Variants in PIEZO1 observed in about 807,000 individuals in gnomAD.
The protein encoded by PIEZO1 is piezo-type mechanosensitive ion channel component 1.
In PIEZO1, 296 loss-of-function variants were observed where a neutral mutation model predicts 297.2. The observed-to-expected ratio is 1.00, with a 90% CI of 0.91 to 1.10. The LOEUF (loss-of-function observed/expected upper bound fraction) is 1.10. Among genes scored for constraint, PIEZO1 ranks in the 50% least tolerant of loss-of-function variants. The probability of loss-of-function intolerance (pLI) is 0.00; values close to 1 mark genes in which losing one functional copy is unlikely to be tolerated. For synonymous variants in PIEZO1, 2,427 were observed against 1,507.5 expected, an observed-to-expected ratio of 1.61 and a Z score of -14.13; for missense variants, 5,018 against 3,455.5, an observed-to-expected ratio of 1.45 and a Z score of -11.34.
intron 1 of PIEZO1, among the ~76,000 whole-genome samples, chr16:88,753,645 T>C (rs1377839969): frequency 6.6e-6 from 1 of 152,074 alleles, no homozygotes; most frequent in Non-Finnish European, 1.5e-5. Flanking sequence ...AGGACCCAGG[T>C]CCGGGCATCC....
In PIEZO1 at chr16:88,719,732, C is replaced by T. The variant is rs1401745821; in HGVS notation, c.6324-11G>A. On this transcript the variant is annotated splice_polypyrimidine_tract_variant and intron_variant, in intron 43 of 50. Transcript: ENST00000301015. ...GGCACCAGCCGGAACCTGCCCACAG[C>T]CAGGGTTCCCGTCAGGTGGGCTCCC... The T allele has an allele frequency of 1.9e-6, 3 of 1,550,524 alleles. No individual in the cohort carries two copies. The highest frequency in any genetic ancestry group is 2.6e-6 in the Non-Finnish European group (3 of 1,146,942).
In PIEZO1 at chr16:88,741,624, G is replaced by T; in HGVS notation, c.327-8C>A. 6.5e-7 allele frequency: 1 copy of T among 1,533,480 alleles called. No individual in the cohort carries two copies. Among genetic ancestry groups the T allele is most frequent in the Non-Finnish European group, 8.7e-7 (1 of 1,145,928 alleles). 95.0% of individuals were successfully genotyped at this position (1,533,480 alleles called of 1,614,324 possible). A position where few individuals can be genotyped will look rare whatever the true frequency, so the allele number is the denominator to read the frequency against. ...ATGTCCTTCAGGTCCAGCCTGCGGA[G>T]AGCAGGGAGCAGCCGCGGTCAGACC... On this transcript the variant is annotated splice_polypyrimidine_tract_variant and splice_region_variant and intron_variant, in intron 4 of 50. Coordinates refer to ENST00000301015, the MANE Select transcript of PIEZO1 (RefSeq NM_001142864.4).
chr16:88,768,054 G>A (rs1907253798), intron 1 of PIEZO1, among the ~76,000 whole-genome samples: 1 of 152,244 alleles, frequency 6.6e-6, no homozygotes, highest in African/African-American at 2.4e-5. Flanking sequence ...GCAGAGGTCT[G>A]CAAAGTGGGA....
Position 88,721,187 on chromosome 16 carries a change from G to C in PIEZO1, c.5647C>G (p.Arg1883Gly). The change falls in exon 39 of 51, where the codon CGG becomes GGG. Residue 1883 changes from arginine to glycine, a missense_variant. Transcript: ENST00000301015. ...FRRRKKEGPA[R>G]KGAAAIEAED... ...ATACCGATGGCTGCCGCTCCTTTCC[G>C]TGCTGGGCCCTCCTTCTTCCTTCTT... 1.3e-6 allele frequency: 2 copies of C among 1,512,338 alleles called. No homozygotes were observed. Among genetic ancestry groups the C allele is most frequent in the Non-Finnish European group, 8.8e-7 (1 of 1,130,460 alleles). The allele number at this position is 1,512,338 out of a possible 1,614,324, so 93.7% of individuals were successfully genotyped here.
Position 88,738,510 on chromosome 16 carries a change from G to C in PIEZO1, c.634+58C>G, listed in dbSNP as rs372328955. On this transcript the variant is annotated intron_variant, in intron 6 of 50. Coordinates refer to ENST00000301015, the MANE Select transcript of PIEZO1 (RefSeq NM_001142864.4). ...TGTCCCGCTGTCTCCACAGTCATCA[G>C]GGAACTCCCAAGACCCCTCCCAGTG... 5.5e-6 allele frequency: 8 copies of C among 1,445,880 alleles called. No homozygotes were observed. The African/African-American group carries it at 6.8e-5, about 12-fold the overall frequency. The allele number at this position is 1,445,880 out of a possible 1,614,324, so 89.6% of individuals were successfully genotyped here. A position where few individuals can be genotyped will look rare whatever the true frequency, so the allele number is the denominator to read the frequency against.
chr16:88,722,630 C>G lies in PIEZO1; in HGVS notation c.4728G>C (p.Thr1576=). 6.5e-6 allele frequency: 10 copies of G among 1,538,460 alleles called. No homozygotes were observed. The highest frequency in any genetic ancestry group is 8.7e-6 in the Non-Finnish European group (10 of 1,146,024). The change falls in exon 35 of 51, where the codon ACG becomes ACC. Residue 1576 remains threonine, a synonymous_variant. Transcript: ENST00000301015. ...DQLYTSQAEA[T]LPGPTEAPNA... is the part of the protein sequence containing the mutation. Reference sequence around the variant, plus strand: ...TGGGGGCCTCGGTGGGGCCTGGCAGCGTGGCCTCGGCCTGGCTTGTGTACA... The same window carrying G: ...TGGGGGCCTCGGTGGGGCCTGGCAGGGTGGCCTCGGCCTGGCTTGTGTACA...
At position 88,715,386 on chromosome 16, in the gene PIEZO1, A is replaced by C. The variant is rs1376013477; in HGVS notation, c.*219T>G. ...AAAACATTTTTTAATTAAAAAAAAA[A>C]CTCTACAGTACACGTGGGGGACGGC... On this transcript the variant is annotated 3_prime_UTR_variant, in exon 51 of 51. Transcript: ENST00000301015. 7.5e-6 allele frequency: 8 copies of C among 1,064,446 alleles called. No homozygotes were observed. Among genetic ancestry groups the C allele is most frequent in the Admixed American group, 2.7e-5 (1 of 36,726 alleles). 65.9% of individuals were successfully genotyped at this position (1,064,446 alleles called of 1,614,324 possible). A position where few individuals can be genotyped will look rare whatever the true frequency, so the allele number is the denominator to read the frequency against.
intron 29 of PIEZO1, 28 bp from the exon 30 acceptor site, chr16:88,725,108 C>G: frequency 6.7e-7 from 1 of 1,482,950 alleles, no homozygotes; most frequent in Non-Finnish European, 9.0e-7. Context: ...GAGCATGAGG[C>G]AGCAGTCAAG....
intron 7 of PIEZO1, 55 bp from the exon 8 acceptor site, chr16:88,738,160 G>T (rs901755819): frequency 2.0e-6 from 3 of 1,534,530 alleles, no homozygotes; most frequent in Non-Finnish European, 2.6e-6. Flanking sequence ...GGGGCCACAG[G>T]GGCTAGACGA....
Position 88,716,104 on chromosome 16 carries a change from T to A in PIEZO1, c.7145A>T (p.Tyr2382Phe). 1.3e-6 allele frequency: 2 copies of A among 1,546,434 alleles called. No individual in the cohort carries two copies. The highest frequency in any genetic ancestry group is 1.7e-6 in the Non-Finnish European group (2 of 1,144,316). The change falls in exon 50 of 51, where the codon TAC becomes TTC. Residue 2382 changes from tyrosine to phenylalanine, a missense_variant. Transcript: ENST00000301015. ...CCGCAGCTGGATACGCACGCCGAGGTAGTCGGCCTCCTCATCTGGGATGGA... is the reference window on the plus strand; with the variant it reads ...CCGCAGCTGGATACGCACGCCGAGGAAGTCGGCCTCCTCATCTGGGATGGA... The part of the protein sequence containing the change: ...KQLQPNEEAD[Y>F]LGVRIQLRRE...
At chr16:88,746,316 C>T (rs553600877) in intron 2 of PIEZO1, among the ~76,000 whole-genome samples, 1 of 152,154 alleles carries the variant, frequency 6.6e-6, no homozygotes, top group South Asian at 2.1e-4. Flanking sequence ...CTCCAGACAG[C>T]AGGGTCAGTC....
chr16:88,726,805 C>G lies in PIEZO1; in HGVS notation c.3609G>C (p.Leu1203=). ...CFYLLLFGTA[L]LQRDTRARLV... ...GGCGGGCCCGTGTGTCCCTCTGCAG[C>G]AGGGCCGTGCCGAAGAGCAGCAGGT... Residue 1203 remains leucine, a synonymous_variant, in exon 25 of 51, where the codon CTG becomes CTC. Transcript: ENST00000301015. 6.5e-7 allele frequency: 1 copy of G among 1,550,292 alleles called. No homozygotes were observed. The highest frequency in any genetic ancestry group is 1.2e-5 in the South Asian group (1 of 84,064).
intron 1 of PIEZO1, among the ~76,000 whole-genome samples, chr16:88,779,908 G>C (rs1478154671): frequency 2.0e-5 from 3 of 152,224 alleles, no homozygotes; most frequent in African/African-American, 7.2e-5. Context: ...CCTTCCGGGG[G>C]GGACGGCTGT....
intron 1 of PIEZO1, among the ~76,000 whole-genome samples, chr16:88,752,048 G>A (rs1051757772): frequency 6.6e-6 from 1 of 152,218 alleles, no homozygotes; most frequent in African/African-American, 2.4e-5. Context: ...CTGAGGCTGT[G>A]GGGAGGCCAG....
At chr16:88,731,997 C>T (rs978048890) in intron 21 of PIEZO1, 87 bp from the exon 22 acceptor site, 3 of 20,228 alleles carry the variant, frequency 1.5e-4, no homozygotes, top group Non-Finnish European at 2.7e-4. Context: ...CTCAGGCTTG[C>T]AGCAGCCCTG....
At chr16:88,778,552 G>T (rs1255022320) in intron 1 of PIEZO1, among the ~76,000 whole-genome samples, 1 of 152,180 alleles carries the variant, frequency 6.6e-6, no homozygotes, top group Non-Finnish European at 1.5e-5. Flanking sequence ...GGAATCGGGT[G>T]GCCACGCACG....
intron 2 of PIEZO1, chr16:88,743,199 G>A (rs1288995570): frequency 1.5e-5 from 7 of 456,116 alleles, no homozygotes; most frequent in East Asian, 6.9e-5. Flanking sequence ...GGGGCTGGGC[G>A]GGCGCACCCT....
intron 1 of PIEZO1, among the ~76,000 whole-genome samples, chr16:88,753,368 G>A (rs543598611): frequency 2.9e-5 from 4 of 137,442 alleles, no homozygotes; most frequent in Non-Finnish European, 6.5e-5. Context: ...ACCCAAGGAC[G>A]GGCTGAGACA....
In PIEZO1 at chr16:88,721,374, G is replaced by T; in HGVS notation, c.5460C>A (p.Ser1820Arg). The change falls in exon 39 of 51, where the codon AGC (serine) becomes AGA (arginine). Residue 1820 changes from serine (S) to arginine (R), a missense_variant. Coordinates refer to ENST00000301015, the MANE Select transcript of PIEZO1 (RefSeq NM_001142864.4). ...EDSPSKEHDK[S>R]GEEEQGAEEG... Reference sequence around the variant, plus strand: ...CCTCGGCTCCCTGCTCCTCCTCGCCGCTCTTGTCATGCTCCTTGGATGGTG... The same window carrying T: ...CCTCGGCTCCCTGCTCCTCCTCGCCTCTCTTGTCATGCTCCTTGGATGGTG... 6.5e-7 allele frequency: 1 copy of T among 1,549,584 alleles called. No individual in the cohort carries two copies.
Sources: allele counts gnomAD v4.1 joint callset (sites outside exome capture counted in the v4.1 genomes callset), GRCh38; gene constraint gnomAD v4.1.1; transcripts MANE v1.5; gene names NCBI Gene and HGNC (gene_info 2026-07-23, HGNC 2026-07-21).